UBE2D3: variants seen among roughly 807,000 people sequenced by gnomAD.
UBE2D3 encodes ubiquitin-conjugating enzyme E2 D3.
In UBE2D3, 2 loss-of-function variants were observed where a neutral mutation model predicts 22.8. The observed-to-expected ratio is 0.09, with a 90% confidence interval of 0.04 to 0.28. UBE2D3 has a LOEUF of 0.28. Ranked by LOEUF, UBE2D3 falls within the 10% of genes least tolerant of loss-of-function variation. The pLI, the probability that UBE2D3 is intolerant of heterozygous loss-of-function variation, is 1.00. For missense variants in UBE2D3, 27 were observed against 182.5 expected (o/e 0.15, Z 4.91); for synonymous variants, 56 against 60.4 (o/e 0.93, Z 0.34).
intron 6 of UBE2D3, 95 bp from the exon 7 acceptor site, chr4:102,799,595 A>T: frequency 1.2e-6 from 1 of 845,772 alleles, no homozygotes. Context: ...TCCTCAAAAG[A>T]CTTTTATTAG....
At chr4:102,864,524 T>C (rs971768862) in intron 1 of UBE2D3, among the ~76,000 whole-genome samples, 1 of 152,206 alleles carries the variant, frequency 6.6e-6, no homozygotes, top group Non-Finnish European at 1.5e-5. Context: ...GGGTCATTCA[T>C]TGATGGTAAA....
intron 2 of UBE2D3, among the ~76,000 whole-genome samples, chr4:102,813,201 A>G (rs1489990764): frequency 6.6e-6 from 1 of 151,896 alleles, no homozygotes; most frequent in African/African-American, 2.4e-5. Flanking sequence ...TGGGAATCTC[A>G]CTATGTTGCC....
chr4:102,835,537 G>C (rs1051811388), intron 1 of UBE2D3, among the ~76,000 whole-genome samples: 1 of 152,164 alleles, frequency 6.6e-6, no homozygotes, highest in Non-Finnish European at 1.5e-5. Flanking sequence ...AAAAACATGA[G>C]AATTTCAGTT....
intron 2 of UBE2D3, among the ~76,000 whole-genome samples, chr4:102,822,945 C>T (rs1179107567): frequency 6.6e-6 from 1 of 151,856 alleles, no homozygotes; most frequent in Non-Finnish European, 1.5e-5. Flanking sequence ...CCAACAACAA[C>T]AAAAAAAGGA....
chr4:102,800,914 C>T (rs1235564733), intron 6 of UBE2D3, among the ~76,000 whole-genome samples: 1 of 151,922 alleles, frequency 6.6e-6, no homozygotes, highest in Admixed American at 6.6e-5. Flanking sequence ...TAACAGATAC[C>T]TATTAAGAGA....
intron 1 of UBE2D3, among the ~76,000 whole-genome samples, chr4:102,863,066 T>G (rs1732973528): frequency 6.6e-6 from 1 of 152,030 alleles, no homozygotes; most frequent in Admixed American, 6.5e-5. Flanking sequence ...TTTTTCTTTT[T>G]TTGAGACAGA....
chr4:102,799,773 T>C (rs1725841382), intron 6 of UBE2D3, among the ~76,000 whole-genome samples: 1 of 141,610 alleles, frequency 7.1e-6, no homozygotes, highest in Non-Finnish European at 1.5e-5. Context: ...CATATTAATA[T>C]ATATATTTTA....
intron 2 of UBE2D3, chr4:102,811,682 A>T (rs1017416078): frequency 1.0e-5 from 4 of 382,234 alleles, no homozygotes; most frequent in Non-Finnish European, 2.0e-5. Context: ...AAACAACAAA[A>T]AAAAAACCCC....
At chr4:102,846,725 G>C (rs1447207726) in intron 1 of UBE2D3, among the ~76,000 whole-genome samples, 1 of 151,958 alleles carries the variant, frequency 6.6e-6, no homozygotes, top group Non-Finnish European at 1.5e-5. Flanking sequence ...TTGCAACTTT[G>C]AACTCCTGGG....
At chr4:102,823,927 T>C (rs563460348) in intron 2 of UBE2D3, among the ~76,000 whole-genome samples, 1 of 152,270 alleles carries the variant, frequency 6.6e-6, no homozygotes, top group East Asian at 1.9e-4. Context: ...CAAGAATAAA[T>C]TCGAAATAGG....
At chr4:102,804,700 G>A (rs948812430) in intron 4 of UBE2D3, among the ~76,000 whole-genome samples, 1 of 151,998 alleles carries the variant, frequency 6.6e-6, no homozygotes, top group South Asian at 2.1e-4. Context: ...TTGAGACAGG[G>A]TCTTGCTCTG....
chr4:102,818,785 G>A (rs1193644920), intron 2 of UBE2D3, among the ~76,000 whole-genome samples: 1 of 151,940 alleles, frequency 6.6e-6, no homozygotes, highest in Non-Finnish European at 1.5e-5. Context: ...TTCCTTACAT[G>A]AGATTTTTAA....
chr4:102,826,206 AAAT>A (rs1730462281), intron 2 of UBE2D3, among the ~76,000 whole-genome samples: 1 of 152,124 alleles, frequency 6.6e-6, no homozygotes, highest in African/African-American at 2.4e-5. Flanking sequence ...CAAAAAAATA[AAAT>A]AATAAAGGCG....
chr4:102,848,888 C>T (rs555143607), intron 1 of UBE2D3, among the ~76,000 whole-genome samples: 3 of 149,604 alleles, frequency 2.0e-5, no homozygotes, highest in Non-Finnish European at 3.0e-5. Flanking sequence ...CTTATAGGAA[C>T]GAGGTTATTC....
intron 1 of UBE2D3, among the ~76,000 whole-genome samples, chr4:102,854,584 T>C (rs1474010327): frequency 6.6e-6 from 1 of 152,270 alleles, no homozygotes; most frequent in Non-Finnish European, 1.5e-5. Context: ...TTTTCCTTTT[T>C]CTGAAATCTG....
chr4:102,814,692 TGGACTGGTACTTAAC>T (rs1353087751), intron 2 of UBE2D3, among the ~76,000 whole-genome samples: 1 of 152,134 alleles, frequency 6.6e-6, no homozygotes, highest in Admixed American at 6.6e-5. Flanking sequence ...TGGCACATAA[TGGACTGGTACTTAAC>T]AAGCAGACCA....
chr4:102,802,521 C>G, intron 5 of UBE2D3, 40 bp downstream of exon 5: 1 of 1,509,870 alleles, frequency 6.6e-7, no homozygotes, highest in South Asian at 1.2e-5. Context: ...TGAAATAAAG[C>G]ATAAATCTAT....
At chr4:102,800,001 T>C (rs1402109561) in intron 6 of UBE2D3, among the ~76,000 whole-genome samples, 1 of 152,018 alleles carries the variant, frequency 6.6e-6, no homozygotes. Flanking sequence ...GAAACCATAT[T>C]CCCAAGAGTA....
At chr4:102,855,850 TTAAC>T (rs775419159) in intron 1 of UBE2D3, among the ~76,000 whole-genome samples, 1 of 152,094 alleles carries the variant, frequency 6.6e-6, no homozygotes, top group Admixed American at 6.5e-5. Flanking sequence ...AAGATACAAA[TTAAC>T]TAAATAATAA....
Sources: allele counts gnomAD v4.1 joint callset (sites outside exome capture counted in the v4.1 genomes callset), GRCh38; gene constraint gnomAD v4.1.1; transcripts MANE v1.5; gene names NCBI Gene and HGNC (gene_info 2026-07-23, HGNC 2026-07-21).